Variants in UNC5B observed in about 807,000 individuals in gnomAD.
UNC5B encodes netrin receptor UNC5B.
In UNC5B, 56 loss-of-function variants were observed where a neutral mutation model predicts 103.7. The observed-to-expected ratio is 0.54, with a 90% CI of 0.44 to 0.67. The LOEUF (loss-of-function observed/expected upper bound fraction) is 0.67. Among genes scored for constraint, UNC5B ranks in the 30% least tolerant of loss-of-function variants. The pLI, the probability that UNC5B is intolerant of heterozygous loss-of-function variation, is 0.00. For synonymous variants in UNC5B, 577 were observed against 542.0 expected (o/e 1.06, Z -0.90); for missense variants, 1,194 against 1,284.5 (o/e 0.93, Z 1.08).
intron 1 of UNC5B, among the ~76,000 whole-genome samples, chr10:71,232,551 C>T (rs1419959640): frequency 6.6e-6 from 1 of 152,278 alleles, no homozygotes; most frequent in African/African-American, 2.4e-5. Flanking sequence ...AAGCTGACCT[C>T]AGCTGCTGGA....
At chr10:71,239,588 G>A (rs10999740) in intron 1 of UNC5B, among the ~76,000 whole-genome samples, 59,842 of 152,028 alleles carry the variant, frequency 0.39, 12,137 homozygotes, top group East Asian at 0.52. Flanking sequence ...CCTGCCCAGC[G>A]CTGAGGTTAG....
At chr10:71,275,863 C>T (rs1165904382) in intron 1 of UNC5B, among the ~76,000 whole-genome samples, 3 of 151,720 alleles carry the variant, frequency 2.0e-5, no homozygotes. Flanking sequence ...AGCTCAGTTT[C>T]AGCATCATAT....
intron 5 of UNC5B, among the ~76,000 whole-genome samples, chr10:71,287,109 G>A (rs1282527365): frequency 1.3e-5 from 2 of 152,222 alleles, no homozygotes; most frequent in Non-Finnish European, 2.9e-5. Context: ...TCCAAGTCTG[G>A]GGGCTGAGGC....
At chr10:71,285,674 C>T (rs1845058451) in intron 4 of UNC5B, among the ~76,000 whole-genome samples, 1 of 152,214 alleles carries the variant, frequency 6.6e-6, no homozygotes, top group Admixed American at 6.5e-5. Flanking sequence ...GCAGAAATCC[C>T]CAGAACTCAG....
chr10:71,228,255 T>A (rs539066860), intron 1 of UNC5B, among the ~76,000 whole-genome samples: 3 of 152,272 alleles, frequency 2.0e-5, no homozygotes, highest in Non-Finnish European at 2.9e-5. Flanking sequence ...AACTACTAAA[T>A]GAAAACATGG....
At chr10:71,298,197 C>A in intron 16 of UNC5B, 107 bp downstream of exon 16, 1 of 1,348,320 alleles carries the variant, frequency 7.4e-7, no homozygotes, top group Non-Finnish European at 1.0e-6. Context: ...CCCAGACCAG[C>A]TGCCCTTTTG....
intron 9 of UNC5B, 62 bp downstream of exon 9, chr10:71,291,171 G>A: frequency 6.4e-7 from 1 of 1,554,618 alleles, no homozygotes; most frequent in Non-Finnish European, 8.8e-7. Context: ...GGCTCTGGTG[G>A]TACCCAGACC....
chr10:71,276,368 C>T (rs1158139174), intron 1 of UNC5B, among the ~76,000 whole-genome samples: 4 of 152,264 alleles, frequency 2.6e-5, no homozygotes, highest in East Asian at 3.9e-4. Context: ...ATAGGTCGCT[C>T]TCATCTAGCC....
intron 1 of UNC5B, among the ~76,000 whole-genome samples, chr10:71,238,543 G>A (rs1351266015): frequency 6.6e-6 from 1 of 152,098 alleles, no homozygotes; most frequent in African/African-American, 2.4e-5. Context: ...CGTGATCTCA[G>A]CTCATTGCCA....
In UNC5B at chr10:71,302,188, A is replaced by G. The variant is rs1432715184; in HGVS notation, c.*2911A>G. The G allele has an allele frequency of 6.6e-6, 1 of 152,200 alleles. No homozygotes were observed. Among genetic ancestry groups the G allele is most frequent in the Non-Finnish European group, 1.5e-5 (1 of 68,056 alleles). The allele number at this position is 152,200 out of a possible 1,614,324, so 9.4% of individuals were successfully genotyped here. On this transcript the variant is annotated 3_prime_UTR_variant, in exon 17 of 17. Transcript: ENST00000335350. ...CAAGAGGTAGCCCCCGAGGGCATGT[A>G]CCTGGTGGGAAGCAGCTCAGGTACC...
At position 71,231,688 on chromosome 10, in the gene UNC5B, A is replaced by C. The variant is rs556163067; in HGVS notation, c.79+18624A>C. On this transcript the variant is annotated intron_variant, in intron 1 of 16. Transcript: ENST00000335350. ...TGCACATGCCTGGCCTTTACCCTAA[A>C]GGTTCTGGTTTAGGGACTGTGGGCC... 3.3e-5 allele frequency among the ~76,000 whole-genome samples: 5 copies of C among 152,156 alleles called. No homozygotes were observed. The East Asian group carries it at 5.8e-4, about 18-fold the overall frequency.
chr10:71,238,491 T>A (rs1843821700), intron 1 of UNC5B, among the ~76,000 whole-genome samples: 1 of 152,204 alleles, frequency 6.6e-6, no homozygotes, highest in Non-Finnish European at 1.5e-5. Context: ...TGCATTTATT[T>A]TTTTTTAGTC....
In UNC5B at chr10:71,302,127, G is replaced by C. The variant is rs186847115; in HGVS notation, c.*2850G>C. 1 of 152,250 alleles carries C rather than the reference G, an allele frequency of 6.6e-6. No homozygotes were observed. The allele number at this position is 152,250 out of a possible 1,614,324, so 9.4% of individuals were successfully genotyped here. ...CCGTCTGTGGAGGCTGCCTGCCTCC[G>C]GGGTGGGATGGGTGGTTTCTCCTCC... On this transcript the variant is annotated 3_prime_UTR_variant, in exon 17 of 17. Transcript: ENST00000335350.
At chr10:71,252,104 A>G (rs1844187454) in intron 1 of UNC5B, among the ~76,000 whole-genome samples, 1 of 152,230 alleles carries the variant, frequency 6.6e-6, no homozygotes, top group South Asian at 2.1e-4. Flanking sequence ...GGGTGAAGGG[A>G]CAGTTAACAT....
chr10:71,268,993 C>T (rs1844583631), intron 1 of UNC5B, among the ~76,000 whole-genome samples: 1 of 152,196 alleles, frequency 6.6e-6, no homozygotes, highest in Admixed American at 6.5e-5. Context: ...CCCAGCTGGC[C>T]CTCACCCGTC....
At chr10:71,250,835 T>G (rs1844156289) in intron 1 of UNC5B, among the ~76,000 whole-genome samples, 1 of 152,222 alleles carries the variant, frequency 6.6e-6, no homozygotes, top group African/African-American at 2.4e-5. Context: ...TACTTCTGTC[T>G]CCTACAGATT....
At chr10:71,229,884 G>T (rs1843648741) in intron 1 of UNC5B, among the ~76,000 whole-genome samples, 1 of 152,102 alleles carries the variant, frequency 6.6e-6, no homozygotes, top group South Asian at 2.1e-4. Context: ...TCCCACCGTC[G>T]CTGGTCAGGG....
Position 71,296,718 on chromosome 10 carries a change from C to G in UNC5B, c.2466C>G (p.Phe822Leu), listed in dbSNP as rs1272006824. ...AAGTGGAAGGGGAGGGCCAGATATT[C>G]CAGCTGCATACCACTCTGGCAGAGG... is the stretch of plus-strand genomic sequence containing the variant. ...VRQVEGEGQI[F>L]QLHTTLAETP... is the part of the protein sequence containing the mutation. Residue 822 changes from phenylalanine (F) to leucine (L), a missense_variant, in exon 15 of 17, where the codon TTC becomes TTG. Coordinates refer to ENST00000335350, the MANE Select transcript of UNC5B (RefSeq NM_170744.5). The G allele has an allele frequency of 1.2e-6, 2 of 1,610,202 alleles. No homozygotes were observed. The highest frequency in any genetic ancestry group is 1.7e-6 in the Non-Finnish European group (2 of 1,178,376).
intron 1 of UNC5B, among the ~76,000 whole-genome samples, chr10:71,240,678 ACT>A (rs962552342): frequency 3.3e-5 from 5 of 152,068 alleles, no homozygotes; most frequent in Non-Finnish European, 2.9e-5. Context: ...CTCCTCCCCC[ACT>A]GTCGCTCCAC....
Sources: gnomAD v4.1 joint callset for allele counts (sites outside exome capture counted in the v4.1 genomes callset) on GRCh38, gnomAD v4.1.1 for gene constraint, MANE v1.5 for transcripts, NCBI Gene and HGNC (gene_info 2026-07-23, HGNC 2026-07-21) for gene names.